Variants in CNNM2 observed in about 807,000 individuals in gnomAD.
CNNM2 encodes the protein cyclin and CBS domain divalent metal cation transport mediator 2, also known as metal transporter CNNM2.
A neutral mutation model predicts 66.9 loss-of-function variants in CNNM2; 12 were observed. The observed-to-expected ratio is 0.18, with a 90% CI of 0.11 to 0.29. CNNM2 has a LOEUF of 0.29. CNNM2 is among the 10% of genes least tolerant of loss of function. CNNM2 has a pLI of 1.00. For synonymous variants in CNNM2, 557 were observed against 501.8 expected, an observed-to-expected ratio of 1.11 and a Z score of -1.47; for missense variants, 705 against 1,167.7, an observed-to-expected ratio of 0.60 and a Z score of 5.77.
At chr10:102,972,064 G>A (rs193147040) in intron 1 of CNNM2, among the ~76,000 whole-genome samples, 16 of 152,136 alleles carry the variant, frequency 1.1e-4, no homozygotes, top group African/African-American at 2.4e-4. Context: ...TTATGGTGGC[G>A]TTTTTCCTTA....
rs35442219 is a variant in CNNM2 at position 102,941,442 on chromosome 10, T to TA, written c.1621+21350dup. Among the ~76,000 whole-genome samples, 28,664 of 151,366 alleles carry TA rather than the reference T, an allele frequency of 0.19. 2,861 individuals are homozygous for TA. Among genetic ancestry groups the TA allele is most frequent in the Non-Finnish European group, 0.22 (15,132 of 67,784 alleles). On this transcript the variant is annotated intron_variant, in intron 1 of 7. Coordinates refer to ENST00000369878, the MANE Select transcript of CNNM2 (RefSeq NM_017649.5). ...TTTTAACAAGTCAAAATAGCCAGCA[T>TA]AAAAAAAAATGATCATATACAACTG...
chr10:103,040,673 T>C (rs2065025264), intron 1 of CNNM2, among the ~76,000 whole-genome samples: 1 of 151,652 alleles, frequency 6.6e-6, no homozygotes, highest in Non-Finnish European at 1.5e-5. Context: ...GAGACCATGT[T>C]GTAGCACACT....
At chr10:103,043,564 C>T (rs889098140) in intron 1 of CNNM2, among the ~76,000 whole-genome samples, 4 of 152,226 alleles carry the variant, frequency 2.6e-5, no homozygotes, top group African/African-American at 4.8e-5. Context: ...TGGTAATCCA[C>T]TACCATTCTG....
At chr10:102,961,989 C>A (rs1185738145) in intron 1 of CNNM2, among the ~76,000 whole-genome samples, 1 of 151,964 alleles carries the variant, frequency 6.6e-6, no homozygotes, top group Non-Finnish European at 1.5e-5. Context: ...AAGGCACTTA[C>A]TTTTTTTAAA....
At chr10:102,965,192 T>C (rs2063443812) in intron 1 of CNNM2, among the ~76,000 whole-genome samples, 1 of 152,224 alleles carries the variant, frequency 6.6e-6, no homozygotes, top group Non-Finnish European at 1.5e-5. Flanking sequence ...AAGACATATA[T>C]GAAGCACCTG....
chr10:102,999,237 ATT>A (rs776992441), intron 1 of CNNM2, among the ~76,000 whole-genome samples: 11 of 128,884 alleles, frequency 8.5e-5, no homozygotes, highest in Admixed American at 8.1e-5. Flanking sequence ...TGCCCGGCTA[ATT>A]TTTTTTTTTT....
chr10:102,924,385 C>T (rs755299039), intron 1 of CNNM2, among the ~76,000 whole-genome samples: 1 of 152,208 alleles, frequency 6.6e-6, no homozygotes, highest in African/African-American at 2.4e-5. Flanking sequence ...ATGCTATTTA[C>T]AGCTGCTAGG....
At chr10:103,049,898 G>A in intron 2 of CNNM2, 48 bp downstream of exon 2, 1 of 1,590,630 alleles carries the variant, frequency 6.3e-7, no homozygotes, top group Non-Finnish European at 8.6e-7. Flanking sequence ...TGCTTTTTTT[G>A]TTGTGCTGTT....
At position 103,065,629 on chromosome 10, in the gene CNNM2, T is replaced by G. The variant is rs2065463266; in HGVS notation, c.2074-3000T>G. ...GCCCTGTAACTTGTACAACAAATGCTCCAGATAACTGGAGACACCCAGGAA... is the reference window on the plus strand; with the variant it reads ...GCCCTGTAACTTGTACAACAAATGCGCCAGATAACTGGAGACACCCAGGAA... On this transcript the variant is annotated intron_variant, in intron 4 of 7. Coordinates refer to ENST00000369878, the MANE Select transcript of CNNM2 (RefSeq NM_017649.5). Among the ~76,000 whole-genome samples the G allele has an allele frequency of 2.0e-5, 3 of 152,218 alleles. No homozygotes were observed. The South Asian group carries it at 6.2e-4, about 32-fold the overall frequency.
At chr10:102,954,129 T>C (rs890046988) in intron 1 of CNNM2, among the ~76,000 whole-genome samples, 1 of 59,606 alleles carries the variant, frequency 1.7e-5, no homozygotes, top group Non-Finnish European at 4.1e-5. Context: ...TTCTTTTCTT[T>C]TTTTTTTTTT....
intron 6 of CNNM2, among the ~76,000 whole-genome samples, chr10:103,073,657 C>T (rs998583026): frequency 1.3e-5 from 2 of 151,662 alleles, no homozygotes; most frequent in African/African-American, 4.8e-5. Flanking sequence ...GTCAGGAGAT[C>T]GAGACCATCC....
intron 5 of CNNM2, among the ~76,000 whole-genome samples, chr10:103,069,076 C>CTG (rs1205057292): frequency 6.6e-6 from 1 of 152,198 alleles, no homozygotes; most frequent in East Asian, 1.9e-4. Flanking sequence ...AATGGAGACA[C>CTG]TGTGTGTGTT....
chr10:103,029,780 C>A (rs1220844829), intron 1 of CNNM2, among the ~76,000 whole-genome samples: 2 of 151,810 alleles, frequency 1.3e-5, no homozygotes, highest in East Asian at 3.9e-4. Context: ...GCGGGAGAAT[C>A]CCTTGAACCT....
chr10:103,047,856 G>A (rs1048370388), intron 1 of CNNM2, among the ~76,000 whole-genome samples: 5 of 152,166 alleles, frequency 3.3e-5, no homozygotes, highest in African/African-American at 1.2e-4. Flanking sequence ...CATCAGAAAA[G>A]TCTTTAATTG....
chr10:103,071,890 C>A (rs1465522827), intron 6 of CNNM2, 51 bp downstream of exon 6: 6 of 1,518,420 alleles, frequency 4.0e-6, no homozygotes, highest in African/African-American at 1.4e-5. Context: ...CTTCCTTGCC[C>A]CCCATCACGC....
At chr10:103,026,217 G>A (rs1353250032) in intron 1 of CNNM2, among the ~76,000 whole-genome samples, 1 of 152,188 alleles carries the variant, frequency 6.6e-6, no homozygotes, top group Non-Finnish European at 1.5e-5. Context: ...AATGGACTGA[G>A]ACAGTGTCCG....
At chr10:102,977,737 C>G (rs947258247) in intron 1 of CNNM2, among the ~76,000 whole-genome samples, 3 of 152,148 alleles carry the variant, frequency 2.0e-5, no homozygotes, top group Admixed American at 6.5e-5. Context: ...AGGAGAATCA[C>G]TTGAACTCTG....
At chr10:103,000,695 T>G (rs150395164) in intron 1 of CNNM2, among the ~76,000 whole-genome samples, 1 of 152,278 alleles carries the variant, frequency 6.6e-6, no homozygotes, top group African/African-American at 2.4e-5. Flanking sequence ...ATCCACTGAC[T>G]TGGCCTCCCA....
At chr10:103,023,460 A>G (rs182013181) in intron 1 of CNNM2, among the ~76,000 whole-genome samples, 28 of 152,284 alleles carry the variant, frequency 1.8e-4, no homozygotes, top group Non-Finnish European at 2.2e-4. Flanking sequence ...AGGCAGGAGA[A>G]TCGCTTGAAC....
Sources: gnomAD v4.1 joint callset for allele counts (sites outside exome capture counted in the v4.1 genomes callset) on GRCh38, gnomAD v4.1.1 for gene constraint, MANE v1.5 for transcripts, NCBI Gene and HGNC (gene_info 2026-07-23, HGNC 2026-07-21) for gene names.